Variants in SPTBN4 observed in about 807,000 individuals in gnomAD.
The protein encoded by SPTBN4 is spectrin beta chain, non-erythrocytic 4.
In SPTBN4, 96 loss-of-function variants were observed where a neutral mutation model predicts 277.8. That is an observed-to-expected ratio of 0.35 (90% CI 0.29 to 0.41). The LOEUF (loss-of-function observed/expected upper bound fraction) is 0.41. Among genes scored for constraint, SPTBN4 ranks in the 10% least tolerant of loss-of-function variants. The pLI is 1.00. For missense variants in SPTBN4, 3,006 were observed against 3,595.7 expected, an observed-to-expected ratio of 0.84 and a Z score of 4.19; for synonymous variants, 1,481 against 1,580.3, an observed-to-expected ratio of 0.94 and a Z score of 1.49.
rs144468232 is a variant in SPTBN4 at position 40,557,151 on chromosome 19, C to T, written c.5418C>T (p.Ala1806=). ...GCCATACAGCAGCGGCCACCATGGCCGAGTGGAAGGACGGACTGAACGAGG... is the reference window on the plus strand; with the variant it reads ...GCCATACAGCAGCGGCCACCATGGCTGAGTGGAAGGACGGACTGAACGAGG... ...ECGHTAAATM[A]EWKDGLNEAW... The change falls in exon 26 of 36, where the codon GCC becomes GCT. Residue 1806 remains alanine, a synonymous_variant. Coordinates refer to ENST00000598249, the MANE Select transcript of SPTBN4 (RefSeq NM_020971.3). 150 of 1,611,254 alleles carry T rather than the reference C, an allele frequency of 9.3e-5. 1 individual carries two copies. The South Asian group carries it at 1.4e-3, about 15-fold the overall frequency.
intron 16 of SPTBN4, 71 bp from the exon 17 acceptor site, chr19:40,523,366 A>G: frequency 6.8e-7 from 1 of 1,460,502 alleles, no homozygotes; most frequent in Admixed American, 2.0e-5. Context: ...GTGGCAAGCC[A>G]GGCTGGCAGC....
At position 40,490,834 on chromosome 19, in the gene SPTBN4, G is replaced by A. The variant is rs916561150; in HGVS notation, c.495+586G>A. ...GAGGCTGAGATGGGAGGAACACTAA[G>A]GCCAGGAGTTTGAGACCAGCCTGGC... On this transcript the variant is annotated intron_variant, in intron 4 of 35. Transcript: ENST00000598249. This position sits in a 1 kb window ranked among gnomAD's most constrained non-coding sequence, Gnocchi z 4.3. Among the ~76,000 whole-genome samples the A allele has an allele frequency of 6.6e-6, 1 of 152,114 alleles. No individual in the cohort carries two copies. The highest frequency in any genetic ancestry group is 1.5e-5 in the Non-Finnish European group (1 of 68,022).
At chr19:40,497,170 T>C (rs1179322497) in intron 6 of SPTBN4, among the ~76,000 whole-genome samples, 1 of 148,532 alleles carries the variant, frequency 6.7e-6, no homozygotes, top group Non-Finnish European at 1.5e-5. Flanking sequence ...CACAGAGACA[T>C]ACACAGGCAG....
At chr19:40,484,952 AC>A (rs1280159733) in intron 2 of SPTBN4, among the ~76,000 whole-genome samples, 82 of 86,920 alleles carry the variant, frequency 9.4e-4, no homozygotes, top group African/African-American at 9.3e-3. Flanking sequence ...CAAAACAAAA[AC>A]CAAAAAACAA....
At chr19:40,542,613 C>A (rs558456660) in intron 20 of SPTBN4, among the ~76,000 whole-genome samples, 1 of 151,938 alleles carries the variant, frequency 6.6e-6, no homozygotes, top group Non-Finnish European at 1.5e-5. Flanking sequence ...CCACCCCCAC[C>A]CTAAGCAAAG....
chr19:40,562,251 C>T (rs529573458), intron 27 of SPTBN4, among the ~76,000 whole-genome samples: 4 of 152,076 alleles, frequency 2.6e-5, no homozygotes, highest in Admixed American at 6.6e-5. Flanking sequence ...AAAAATAGGC[C>T]GGGCATGGTG....
chr19:40,536,916 G>T (rs1438975539), intron 20 of SPTBN4, among the ~76,000 whole-genome samples: 1 of 152,004 alleles, frequency 6.6e-6, no homozygotes, highest in African/African-American at 2.4e-5. Flanking sequence ...CCCGCAAGTA[G>T]CTGGGACTAC....
intron 20 of SPTBN4, among the ~76,000 whole-genome samples, chr19:40,544,227 C>T (rs888749477): frequency 6.6e-6 from 1 of 151,592 alleles, no homozygotes; most frequent in Non-Finnish European, 1.5e-5. Context: ...ACTGCAACCT[C>T]CGCCTCCCGG....
rs750703185 is a variant in SPTBN4 at position 40,523,427 on chromosome 19, T to G, written c.3655-10T>G. 2.5e-6 allele frequency: 4 copies of G among 1,589,462 alleles called. No homozygotes were observed. In the South Asian group the frequency reaches 3.4e-5, roughly 14 times the overall value. ...AGGCTGACCTTTGCACCACGCTCCC[T>G]CCTCCCCAGGAGATGGCGCTGTCTG... On this transcript the variant is annotated splice_polypyrimidine_tract_variant and intron_variant, in intron 16 of 35. Transcript: ENST00000598249.
intron 2 of SPTBN4, among the ~76,000 whole-genome samples, chr19:40,481,346 C>T (rs567144809): frequency 2.6e-5 from 4 of 152,204 alleles, no homozygotes; most frequent in South Asian, 4.1e-4. Context: ...GTGAGCCATG[C>T]GCCCGGCCAA....
At chr19:40,569,426 CAAAAAA>C (rs58192016) in intron 31 of SPTBN4, among the ~76,000 whole-genome samples, 5,073 of 120,774 alleles carry the variant, frequency 0.042, 169 homozygotes, top group African/African-American at 0.1. Flanking sequence ...GACTCCGTCT[CAAAAAA>C]AAAAAAAAAA....
chr19:40,534,411 A>G lies in SPTBN4; in HGVS notation c.4359+68A>G, dbSNP rs1474668666. On this transcript the variant is annotated intron_variant, in intron 20 of 35. Coordinates refer to ENST00000598249, the MANE Select transcript of SPTBN4 (RefSeq NM_020971.3). ...GGGGGCCAGGTCAGGGTCCAACCCC[A>G]CTCAAGGTATGTCAAGTGGAGGGGA... 1.2e-5 allele frequency: 18 copies of G among 1,551,470 alleles called. No homozygotes were observed. In the Admixed American group the frequency reaches 3.1e-4, roughly 27 times the overall value.
intron 13 of SPTBN4, among the ~76,000 whole-genome samples, chr19:40,506,664 C>T (rs1011147687): frequency 3.9e-5 from 6 of 152,148 alleles, no homozygotes; most frequent in African/African-American, 7.2e-5. Context: ...ACAGATTGAT[C>T]TCAACGAATA....
chr19:40,494,780 T>G, intron 5 of SPTBN4, 117 bp from the exon 6 acceptor site: 1 of 868,702 alleles, frequency 1.2e-6, no homozygotes. Context: ...CTTTCTATGT[T>G]CTACCCCCTC....
intron 31 of SPTBN4, 107 bp downstream of exon 31, chr19:40,568,389 G>A (rs920141053): frequency 5.0e-6 from 7 of 1,407,040 alleles, no homozygotes; most frequent in Non-Finnish European, 5.6e-6. Flanking sequence ...ACTTCCCAAA[G>A]AAGGAGATAT....
intron 2 of SPTBN4, among the ~76,000 whole-genome samples, chr19:40,477,217 A>G (rs1027046905): frequency 3.3e-5 from 5 of 151,542 alleles, no homozygotes; most frequent in Non-Finnish European, 7.4e-5. Context: ...TTTTCTTATT[A>G]TTTTATTTTT....
intron 20 of SPTBN4, among the ~76,000 whole-genome samples, chr19:40,535,224 C>G (rs962469535): frequency 6.6e-6 from 1 of 151,878 alleles, no homozygotes; most frequent in African/African-American, 2.4e-5. Context: ...TCTGGATAAT[C>G]TTTTTAAATT....
Position 40,554,385 on chromosome 19 carries a change from G to T in SPTBN4, c.4913G>T (p.Gly1638Val). 6.3e-7 allele frequency: 1 copy of T among 1,588,908 alleles called. No individual in the cohort carries two copies. The highest frequency in any genetic ancestry group is 8.5e-7 in the Non-Finnish European group (1 of 1,171,082). ...FDVAEVEAWL[G>V]EQELLMMSED... is the part of the protein sequence containing the mutation. ...GTGGCTGAGGTGGAGGCGTGGCTGGGCGAGCAGGAGCTGCTCATGATGAGT... is the reference window on the plus strand; with the variant it reads ...GTGGCTGAGGTGGAGGCGTGGCTGGTCGAGCAGGAGCTGCTCATGATGAGT... Residue 1638 changes from glycine to valine, a missense_variant, in exon 23 of 36, where the codon GGC becomes GTC. Gly to Val is a moderately radical substitution (Grantham distance 109). Transcript: ENST00000598249. The surrounding 1 kb of genome is among the most constrained non-coding windows in gnomAD (Gnocchi z 5.7).
intron 17 of SPTBN4, among the ~76,000 whole-genome samples, chr19:40,528,676 C>G (rs1599768583): frequency 6.6e-6 from 1 of 152,068 alleles, no homozygotes; most frequent in African/African-American, 2.4e-5. Flanking sequence ...CTCTCTCGCT[C>G]TCTTTCTGGT....
Sources: gnomAD v4.1 joint callset for allele counts (sites outside exome capture counted in the v4.1 genomes callset) on GRCh38, gnomAD v4.1.1 for gene constraint, Gnocchi (gnomAD v3.1) non-coding constraint, MANE v1.5 for transcripts, NCBI Gene and HGNC (gene_info 2026-07-23, HGNC 2026-07-21) for gene names.